Variants in MILR1 observed in about 807,000 individuals in gnomAD.
MILR1 encodes mast cell immunoglobulin like receptor 1.
In MILR1, 31 loss-of-function variants were observed where a neutral mutation model predicts 18.5. The ratio of observed to expected loss-of-function variants is 1.68; its 90% confidence interval spans 1.26 to 2.26. The LOEUF is 2.26. Among genes scored for constraint, MILR1 ranks in the 30% most tolerant of loss-of-function variants. MILR1 has a pLI of 0.00. For synonymous variants in MILR1, 85 were observed against 56.2 expected, an observed-to-expected ratio of 1.51 and a Z score of -2.30; for missense variants, 257 against 157.4, an observed-to-expected ratio of 1.63 and a Z score of -3.38.
intron 5 of MILR1, among the ~76,000 whole-genome samples, chr17:64,463,975 C>G (rs113837242): frequency 1.7e-3 from 265 of 152,054 alleles, no homozygotes; most frequent in African/African-American, 6.1e-3. Context: ...AGGCGCCCAC[C>G]ACCACGCTAG....
At chr17:64,482,834 G>A in the MILR1 span, 3 of 806,428 alleles carry the variant, frequency 3.7e-6, no homozygotes, top group East Asian at 2.5e-5. Context: ...AAAAAAATCC[G>A]AGATCCAAAA....
rs1013289174 is a variant in MILR1 at position 64,468,319 on chromosome 17, C to T, written c.*38C>T. 5.3e-5 allele frequency: 24 copies of T among 455,010 alleles called. No homozygotes were observed. Among genetic ancestry groups the T allele is most frequent in the African/African-American group, 4.0e-4 (20 of 49,932 alleles). The allele number at this position is 455,010 out of a possible 1,614,324, so 28.2% of individuals were successfully genotyped here. On this transcript the variant is annotated 3_prime_UTR_variant, in exon 10 of 10. Transcript: ENST00000619286. ...TCTTTTTTTTTTTGAGATGGAGTCTCACTCTGTTGCCCAGGCTGGAGTTCA... is the reference window on the plus strand; with the variant it reads ...TCTTTTTTTTTTTGAGATGGAGTCTTACTCTGTTGCCCAGGCTGGAGTTCA...
intron 6 of MILR1, among the ~76,000 whole-genome samples, chr17:64,465,989 T>C (rs1555663089): frequency 6.6e-6 from 1 of 151,964 alleles, no homozygotes; most frequent in Non-Finnish European, 1.5e-5. Context: ...TGAGATGGGG[T>C]AGTTTATAAA....
the MILR1 span, chr17:64,485,463 G>A: frequency 4.5e-6 from 2 of 441,722 alleles, no homozygotes; most frequent in Non-Finnish European, 8.3e-6. Context: ...AAAGGTTCAG[G>A]GGCTAGGAGT....
the MILR1 span, among the ~76,000 whole-genome samples, chr17:64,483,222 A>T: frequency 2.6e-5 from 4 of 152,198 alleles, no homozygotes. Flanking sequence ...TGGCAGAAAG[A>T]AATTAATTTG....
At chr17:64,484,168 G>T in the MILR1 span, 1 of 152,266 alleles carries the variant, frequency 6.6e-6, no homozygotes, top group Non-Finnish European at 1.5e-5. Flanking sequence ...GGTGGTAGGT[G>T]CTAAAAAAGG....
At chr17:64,467,935 CAAAAAAAAAAAA>C (rs112297771) in intron 9 of MILR1, 2,752 of 158,264 alleles carry the variant, frequency 0.017, 1 homozygote, top group South Asian at 0.051. Context: ...GACTTCATCT[CAAAAAAAAAAAA>C]AAAAAAAAAA....
At chr17:64,456,915 G>A (rs2037312849) in intron 3 of MILR1, among the ~76,000 whole-genome samples, 1 of 152,030 alleles carries the variant, frequency 6.6e-6, no homozygotes, top group Non-Finnish European at 1.5e-5. Flanking sequence ...GGTGGCTCCT[G>A]CCTGTAACCA....
intron 8 of MILR1, 126 bp downstream of exon 8, chr17:64,466,788 A>G: frequency 1.3e-6 from 1 of 760,892 alleles, no homozygotes; most frequent in South Asian, 1.7e-5. Context: ...GCACACTGCA[A>G]GGAACCAATG....
intron 2 of MILR1, 85 bp from the exon 3 acceptor site, chr17:64,452,512 C>G (rs2037196972): frequency 2.4e-6 from 1 of 410,440 alleles, no homozygotes; most frequent in Non-Finnish European, 4.4e-6. Context: ...CTCGGCCGCC[C>G]AAAGTGCTGG....
the MILR1 span, chr17:64,497,168 C>T: frequency 7.7e-6 from 5 of 650,792 alleles, no homozygotes; most frequent in Non-Finnish European, 1.1e-5. Context: ...CGGACGCCGG[C>T]TCGGATGGTT....
intron 3 of MILR1, among the ~76,000 whole-genome samples, chr17:64,453,232 C>A (rs2144011167): frequency 6.6e-6 from 1 of 151,892 alleles, no homozygotes; most frequent in Admixed American, 6.6e-5. Context: ...CCACGCCTGG[C>A]TAATTTTTGT....
chr17:64,485,954 C>T, the MILR1 span: 1 of 1,346,194 alleles, frequency 7.4e-7, no homozygotes, highest in East Asian at 2.3e-5. Flanking sequence ...ACTCTGTCAC[C>T]TGGCCAGGCT....
At chr17:64,487,391 AT>A in the MILR1 span, 3 of 152,200 alleles carry the variant, frequency 2.0e-5, no homozygotes, top group African/African-American at 7.2e-5. Context: ...TGGTGGACGA[AT>A]CACTTGAGTT....
the MILR1 span, among the ~76,000 whole-genome samples, chr17:64,483,685 T>C: frequency 6.6e-6 from 1 of 151,814 alleles, no homozygotes. Flanking sequence ...TTTATATATA[T>C]TTTTTTGAAT....
chr17:64,459,797 T>A (rs1318625502), intron 4 of MILR1, among the ~76,000 whole-genome samples: 5 of 152,134 alleles, frequency 3.3e-5, no homozygotes, highest in Non-Finnish European at 5.9e-5. Flanking sequence ...GTTGTTTGGA[T>A]GACACGAAAC....
chr17:64,496,044 G>C, the MILR1 span, among the ~76,000 whole-genome samples: 1 of 152,298 alleles, frequency 6.6e-6, no homozygotes, highest in African/African-American at 2.4e-5. Context: ...AATAGTTTCA[G>C]AATTATAATT....
chr17:64,457,814 G>T, intron 4 of MILR1, 130 bp downstream of exon 4: 2 of 452,258 alleles, frequency 4.4e-6, no homozygotes, highest in East Asian at 6.3e-5. Context: ...CATTTGTCAA[G>T]GTAGAAGGAT....
the MILR1 span, chr17:64,496,485 G>A: frequency 6.2e-7 from 1 of 1,612,100 alleles, no homozygotes; most frequent in Admixed American, 1.7e-5. Flanking sequence ...TCCTTACTCA[G>A]CTCTTTGTCT....
Sources: allele counts gnomAD v4.1 joint callset (sites outside exome capture counted in the v4.1 genomes callset), GRCh38; gene constraint gnomAD v4.1.1; transcripts MANE v1.5; gene names NCBI Gene and HGNC (gene_info 2026-07-23, HGNC 2026-07-21).